The following LIPH variants were observed in gnomAD, a reference collection of about 807,000 sequenced individuals.
LIPH encodes the protein lipase H.
In LIPH, 32 loss-of-function variants were observed where a neutral mutation model predicts 47.6. The observed-to-expected ratio is 0.67, with a 90% CI of 0.51 to 0.90. The LOEUF (loss-of-function observed/expected upper bound fraction) is 0.90, where lower values mean the gene tolerates loss of function less well. Ranked by LOEUF, LIPH falls within the 40% of genes least tolerant of loss-of-function variation. The probability of loss-of-function intolerance (pLI) is 0.00; values close to 1 mark genes in which losing one functional copy is unlikely to be tolerated. For synonymous variants in LIPH, 190 were observed against 195.6 expected (o/e 0.97, Z 0.24); for missense variants, 497 against 541.4 (o/e 0.92, Z 0.81).
intron 1 of LIPH, among the ~76,000 whole-genome samples, chr3:185,542,745 A>G (rs1247733216): frequency 2.6e-5 from 4 of 152,244 alleles, no homozygotes; most frequent in Non-Finnish European, 5.9e-5. Flanking sequence ...TGATTGGAAA[A>G]AGAAAATATG....
intron 1 of LIPH, among the ~76,000 whole-genome samples, chr3:185,545,041 G>A (rs980937945): frequency 1.3e-5 from 2 of 152,132 alleles, no homozygotes; most frequent in Admixed American, 6.6e-5. Context: ...ACAAAGTCAA[G>A]GTTGTTCAGA....
intron 3 of LIPH, among the ~76,000 whole-genome samples, chr3:185,529,286 AG>A (rs1388616330): frequency 6.6e-6 from 1 of 150,936 alleles, no homozygotes; most frequent in East Asian, 2.0e-4. Context: ...GGAGTGAAGA[AG>A]GCTTCAAGGG....
chr3:185,508,371 T>C lies in LIPH; in HGVS notation c.*419A>G, dbSNP rs1229463360. The C allele has an allele frequency of 1.8e-5, 4 of 216,386 alleles. No homozygotes were observed. The highest frequency in any genetic ancestry group is 3.8e-5 in the Non-Finnish European group (4 of 106,384). 13.4% of individuals were successfully genotyped at this position (216,386 alleles called of 1,614,324 possible). On this transcript the variant is annotated 3_prime_UTR_variant, in exon 10 of 10. Coordinates refer to ENST00000296252, the MANE Select transcript of LIPH (RefSeq NM_139248.3). ...GACGTCAGTTTCGTTCCCTTCTACG[T>C]GTGGGAACTGGAGGAATGTGGCACG...
intron 3 of LIPH, among the ~76,000 whole-genome samples, chr3:185,532,715 G>A (rs980679098): frequency 4.6e-5 from 7 of 152,202 alleles, no homozygotes; most frequent in African/African-American, 7.2e-5. Flanking sequence ...GCTTGAACCC[G>A]GGAGGTGGAG....
rs535813918 is a variant in LIPH at position 185,516,299 on chromosome 3, G to A, written c.982+768C>T. On this transcript the variant is annotated intron_variant, in intron 7 of 9. Coordinates refer to ENST00000296252, the MANE Select transcript of LIPH (RefSeq NM_139248.3). Reference sequence around the variant, plus strand: ...AATACAAAAATTAGCCAGGCATGGTGATGCACACCTGTAGTCTCAGGTACT... The same window carrying A: ...AATACAAAAATTAGCCAGGCATGGTAATGCACACCTGTAGTCTCAGGTACT... 1.6e-4 allele frequency among the ~76,000 whole-genome samples: 24 copies of A among 149,380 alleles called. No homozygotes were observed. In the South Asian group the frequency reaches 5.0e-3, roughly 31 times the overall value.
chr3:185,530,959 G>A (rs1276564005), intron 3 of LIPH, among the ~76,000 whole-genome samples: 3 of 152,186 alleles, frequency 2.0e-5, no homozygotes, highest in Non-Finnish European at 4.4e-5. Context: ...AAGCAGGACA[G>A]TTTTCAGAGT....
intron 3 of LIPH, among the ~76,000 whole-genome samples, chr3:185,532,113 C>T (rs1171667060): frequency 6.6e-6 from 1 of 152,146 alleles, no homozygotes; most frequent in Non-Finnish European, 1.5e-5. Flanking sequence ...AAATTCTGGA[C>T]CCCTCCCCAG....
chr3:185,517,706 T>G (rs1442794385), intron 6 of LIPH, among the ~76,000 whole-genome samples: 1 of 152,130 alleles, frequency 6.6e-6, no homozygotes, highest in African/African-American at 2.4e-5. Context: ...GGCCTTCACA[T>G]TCTGCCTTAA....
At chr3:185,542,161 G>A (rs944962000) in intron 1 of LIPH, among the ~76,000 whole-genome samples, 1 of 152,104 alleles carries the variant, frequency 6.6e-6, no homozygotes, top group Non-Finnish European at 1.5e-5. Flanking sequence ...CGAAAAATTT[G>A]TGTTGCCTGA....
Position 185,511,653 on chromosome 3 carries a change from G to T in LIPH, c.1139C>A (p.Ala380Glu). 1.2e-6 allele frequency: 2 copies of T among 1,613,360 alleles called. No homozygotes were observed. Among genetic ancestry groups the T allele is most frequent in the Non-Finnish European group, 1.7e-6 (2 of 1,179,344 alleles). The change falls in exon 9 of 10, where the codon GCA (alanine) becomes GAA (glutamate). Residue 380 changes from alanine to glutamate, a missense_variant. Transcript: ENST00000296252. Reference sequence around the variant, plus strand: ...TTTATCCAGATCTTGATTAAATCTTGCAAGTAGACTCACTTGGTGATATTT... The same window carrying T: ...TTTATCCAGATCTTGATTAAATCTTTCAAGTAGACTCACTTGGTGATATTT... Reference protein sequence around the residue: ...FQKYHQVSLLARFNQDLDKVA... With the variant: ...FQKYHQVSLLERFNQDLDKVA...
chr3:185,512,613 C>T (rs1000902066), intron 8 of LIPH, among the ~76,000 whole-genome samples: 15 of 151,272 alleles, frequency 9.9e-5, no homozygotes, highest in Non-Finnish European at 1.3e-4. Context: ...CTCAGCCTCG[C>T]GAGTAGCTGG....
chr3:185,535,062 A>G lies in LIPH; in HGVS notation c.120T>C (p.Asn40=), dbSNP rs1295986403. Reference sequence around the variant, plus strand: ...TCCTTGTGTAGAGCATCAGCCTCACATTTAGTCCCGTACCAACCACTGCAC... The same window carrying G: ...TCCTTGTGTAGAGCATCAGCCTCACGTTTAGTCCCGTACCAACCACTGCAC... ...FHSAVVGTGL[N]VRLMLYTRKN... The change falls in exon 2 of 10, where the codon AAT becomes AAC. Residue 40 remains asparagine, a synonymous_variant. Transcript: ENST00000296252. 4.8e-5 allele frequency: 77 copies of G among 1,614,044 alleles called. No homozygotes were observed. The highest frequency in any genetic ancestry group is 1.6e-4 in the South Asian group (15 of 91,068).
At chr3:185,543,204 A>G (rs1007726261) in intron 1 of LIPH, among the ~76,000 whole-genome samples, 13 of 152,062 alleles carry the variant, frequency 8.5e-5, no homozygotes, top group Admixed American at 5.9e-4. Context: ...GCAAGACTCC[A>G]TCTCAAAAAT....
Position 185,520,702 on chromosome 3 carries a change from GAGA to G in LIPH, c.719-1396_719-1394del, listed in dbSNP as rs202185705. ...TTTTCAAACCAGGCACAAAAATCGAGAGAAGGATACAAAGAACCCTCATGCCCA... is the reference window on the plus strand; with the variant it reads ...TTTTCAAACCAGGCACAAAAATCGAGAGGATACAAAGAACCCTCATGCCCA... On this transcript the variant is annotated intron_variant, in intron 5 of 9. Coordinates refer to ENST00000296252, the MANE Select transcript of LIPH (RefSeq NM_139248.3). Among the ~76,000 whole-genome samples, 366 of 152,064 alleles carry G rather than the reference GAGA, an allele frequency of 2.4e-3. 1 individual carries two copies. The highest frequency in any genetic ancestry group is 8.4e-3 in the African/African-American group (347 of 41,480).
intron 1 of LIPH, among the ~76,000 whole-genome samples, chr3:185,540,468 A>C (rs1294361504): frequency 6.6e-6 from 1 of 152,206 alleles, no homozygotes; most frequent in African/African-American, 2.4e-5. Flanking sequence ...CTGTAATCCC[A>C]GCACTTTGGG....
Position 185,523,872 on chromosome 3 carries a change from G to A in LIPH, c.718+199C>T, listed in dbSNP as rs146570813. On this transcript the variant is annotated intron_variant, in intron 5 of 9. Coordinates refer to ENST00000296252, the MANE Select transcript of LIPH (RefSeq NM_139248.3). ...CGAGTAGCTGGGACTACAGGCATGC[G>A]TCACCACACCTGGATAATTTTTTGT... 2.4e-3 allele frequency among the ~76,000 whole-genome samples: 369 copies of A among 151,984 alleles called. 1 individual carries two copies. The highest frequency in any genetic ancestry group is 8.4e-3 in the African/African-American group (349 of 41,452).
At position 185,524,136 on chromosome 3, in the gene LIPH, C is replaced by T. The variant is rs866749761; in HGVS notation, c.653G>A (p.Gly218Glu). The change falls in exon 5 of 10, where the codon GGA (glycine) becomes GAA (glutamate). Residue 218 changes from glycine to glutamate, a missense_variant. Physicochemically the swap from Gly to Glu is moderately conservative, Grantham distance 98. Coordinates refer to ENST00000296252, the MANE Select transcript of LIPH (RefSeq NM_139248.3). ...TCCATTTGGGTAGAAGTCTATGTTT[C>T]CTAATGGCTCCTTGTAGCCCAGTGC... ...TDALGYKEPL[G>E]NIDFYPNGGL... 1 of 1,612,774 alleles carries T rather than the reference C, an allele frequency of 6.2e-7. No homozygotes were observed. Among genetic ancestry groups the T allele is most frequent in the Non-Finnish European group, 8.5e-7 (1 of 1,178,728 alleles).
intron 9 of LIPH, among the ~76,000 whole-genome samples, chr3:185,511,060 T>C (rs1464684536): frequency 6.6e-6 from 1 of 152,114 alleles, no homozygotes; most frequent in Non-Finnish European, 1.5e-5. Context: ...AAATTTTTTA[T>C]TTAATTTTTT....
intron 4 of LIPH, among the ~76,000 whole-genome samples, chr3:185,524,841 G>GA (rs1289507170): frequency 2.6e-5 from 4 of 152,138 alleles, no homozygotes; most frequent in African/African-American, 9.6e-5. Context: ...TAGGATACAG[G>GA]AAAAAATGAA....
Sources: gnomAD v4.1 joint callset for allele counts (sites outside exome capture counted in the v4.1 genomes callset) on GRCh38, gnomAD v4.1.1 for gene constraint, MANE v1.5 for transcripts, NCBI Gene and HGNC (gene_info 2026-07-23, HGNC 2026-07-21) for gene names.